The following TRIM36 variants were observed in gnomAD, a reference collection of about 807,000 sequenced individuals.
TRIM36 encodes the protein E3 ubiquitin-protein ligase TRIM36.
Under a neutral mutation model 72.4 loss-of-function variants are expected in TRIM36, and 42 were observed. The observed-to-expected ratio is 0.58, with a 90% CI of 0.45 to 0.75. The LOEUF (loss-of-function observed/expected upper bound fraction) is 0.75, where lower values mean the gene tolerates loss of function less well. Ranked by LOEUF, TRIM36 falls within the 30% of genes least tolerant of loss-of-function variation. The probability of loss-of-function intolerance (pLI) is 0.00; values close to 1 mark genes in which losing one functional copy is unlikely to be tolerated. For synonymous variants in TRIM36, 315 were observed against 282.8 expected, an observed-to-expected ratio of 1.11 and a Z score of -1.14; for missense variants, 913 against 857.1, an observed-to-expected ratio of 1.07 and a Z score of -0.81.
In TRIM36 at chr5:115,141,296, A is replaced by C; in HGVS notation, c.814T>G (p.Leu272Val). The change falls in exon 5 of 10, where the codon TTA becomes GTA. Residue 272 changes from leucine to valine, a missense_variant. Leu to Val is a conservative substitution (Grantham distance 32). Coordinates refer to ENST00000513154, the MANE Select transcript of TRIM36 (RefSeq NM_001300759.2). Reference sequence around the variant, plus strand: ...TCACTTACCTCTGTTTCTTTCATTAACAAGTTTAGTTCAGATATTTGACTC... The same window carrying C: ...TCACTTACCTCTGTTTCTTTCATTACCAAGTTTAGTTCAGATATTTGACTC... ...VKSQISELNL[L>V]MKETECNGER... is the part of the protein sequence containing the mutation. 6.2e-7 allele frequency: 1 copy of C among 1,600,444 alleles called. No individual in the cohort carries two copies. Among genetic ancestry groups the C allele is most frequent in the Non-Finnish European group, 8.5e-7 (1 of 1,175,914 alleles).
At chr5:115,171,060 G>T (rs1350701527), upstream of TRIM36, 4 of 1,612,780 alleles carry the variant, frequency 2.5e-6, no homozygotes, top group Admixed American at 5.0e-5. Flanking sequence ...GCCCTAAATT[G>T]CTGGGTAAGT....
At chr5:115,155,203 C>T (rs1754108937) in intron 2 of TRIM36, among the ~76,000 whole-genome samples, 1 of 151,150 alleles carries the variant, frequency 6.6e-6, no homozygotes, top group Non-Finnish European at 1.5e-5. Context: ...AAATAATTAG[C>T]CAGGTGTGGT....
In TRIM36 at chr5:115,126,187, T is replaced by C. The variant is rs1752351897; in HGVS notation, c.*316A>G. 8.0e-6 allele frequency: 2 copies of C among 249,204 alleles called. No homozygotes were observed. The highest frequency in any genetic ancestry group is 1.5e-5 in the Non-Finnish European group (2 of 129,630). 15.4% of individuals were successfully genotyped at this position (249,204 alleles called of 1,614,324 possible). ...AAATACTTTTGTATCCCCCCCACCATAAGGAAAGTGTCAGCAACACCAGCT... is the reference window on the plus strand; with the variant it reads ...AAATACTTTTGTATCCCCCCCACCACAAGGAAAGTGTCAGCAACACCAGCT... On this transcript the variant is annotated 3_prime_UTR_variant, in exon 10 of 10. Transcript: ENST00000513154.
intron 1 of TRIM36, among the ~76,000 whole-genome samples, chr5:115,166,007 G>A (rs1335752430): frequency 3.9e-5 from 6 of 152,152 alleles, no homozygotes; most frequent in African/African-American, 1.2e-4. Flanking sequence ...GCTGATGAAC[G>A]TGGGAGGGAG....
chr5:115,144,241 C>G (rs1753452009), intron 4 of TRIM36, among the ~76,000 whole-genome samples: 1 of 152,122 alleles, frequency 6.6e-6, no homozygotes, highest in African/African-American at 2.4e-5. Flanking sequence ...AAATAAGAAT[C>G]AAGTGTCTTA....
At position 115,165,810 on chromosome 5, in the gene TRIM36, C is replaced by T. The variant is rs575075178; in HGVS notation, c.28-2058G>A. On this transcript the variant is annotated intron_variant, in intron 1 of 9. Coordinates refer to ENST00000513154, the MANE Select transcript of TRIM36 (RefSeq NM_001300759.2). ...CTCGGGGGCCCAGGATGCCTCTCTT[C>T]CCCCACATGCTCAGAAGTGCCTGCT... 4.6e-5 allele frequency among the ~76,000 whole-genome samples: 7 copies of T among 152,248 alleles called. No homozygotes were observed. In the South Asian group the frequency reaches 1.5e-3, roughly 32 times the overall value.
intron 5 of TRIM36, 82 bp downstream of exon 5, chr5:115,141,197 T>C: frequency 9.6e-7 from 1 of 1,038,580 alleles, no homozygotes; most frequent in Non-Finnish European, 1.4e-6. Context: ...CATATAATAC[T>C]CTCAGGATTT....
chr5:115,133,488 A>G (rs1195198004), intron 8 of TRIM36, among the ~76,000 whole-genome samples: 2 of 152,196 alleles, frequency 1.3e-5, no homozygotes, highest in Non-Finnish European at 2.9e-5. Flanking sequence ...TTAGACCAAT[A>G]AATTTTAAAA....
intron 1 of TRIM36, among the ~76,000 whole-genome samples, chr5:115,179,011 T>C (rs1755477292): frequency 6.6e-6 from 1 of 152,148 alleles, no homozygotes. Flanking sequence ...CATCCTCCTT[T>C]CTGTTAACCG....
Position 115,128,071 on chromosome 5 carries a change from C to T in TRIM36, c.1797-1214G>A, listed in dbSNP as rs1449934574. On this transcript the variant is annotated intron_variant, in intron 9 of 9. Transcript: ENST00000513154. ...AAATTAAAAAAAAAAACTTGTAGAACAAGGCTATAAAAAAAATTGGGGGGG... is the reference window on the plus strand; with the variant it reads ...AAATTAAAAAAAAAAACTTGTAGAATAAGGCTATAAAAAAAATTGGGGGGG... Among the ~76,000 whole-genome samples, 6 of 132,852 alleles carry T rather than the reference C, an allele frequency of 4.5e-5. No individual in the cohort carries two copies. The East Asian group carries it at 1.0e-3, about 23-fold the overall frequency. The allele number at this position is 132,852 out of a possible 152,430, so 87.2% of individuals were successfully genotyped here.
Position 115,137,385 on chromosome 5 carries a change from TC to T in TRIM36, c.1062del (p.Thr355GlnfsTer16). ...LKETDQSCFV[Q>X]TAKQLHLRIQ... ...TACCTGAGGTGGAGCTGCTTTGCTG[TC>T]TGCACAAAGCAAGACTGATCTGTCT... is the stretch of plus-strand genomic sequence containing the variant. On this transcript the variant is annotated frameshift_variant, in exon 6 of 10. Transcript: ENST00000513154. LOFTEE classifies it high-confidence loss of function. 1 of 1,611,380 alleles carries T rather than the reference TC, an allele frequency of 6.2e-7. No individual in the cohort carries two copies. The highest frequency in any genetic ancestry group is 8.5e-7 in the Non-Finnish European group (1 of 1,179,324).
chr5:115,133,479 T>C (rs1427844467), intron 8 of TRIM36, among the ~76,000 whole-genome samples: 2 of 152,180 alleles, frequency 1.3e-5, no homozygotes, highest in African/African-American at 4.8e-5. Flanking sequence ...TTTAGGATAT[T>C]AGACCAATAA....
At position 115,126,075 on chromosome 5, in the gene TRIM36, C is replaced by G. The variant is rs1403690417; in HGVS notation, c.*428G>C. 1 of 161,568 alleles carries G rather than the reference C, an allele frequency of 6.2e-6. No individual in the cohort carries two copies. The highest frequency in any genetic ancestry group is 3.0e-3 in the Middle Eastern group (1 of 330). 10.0% of individuals were successfully genotyped at this position (161,568 alleles called of 1,614,324 possible). On this transcript the variant is annotated 3_prime_UTR_variant, in exon 10 of 10. Coordinates refer to ENST00000513154, the MANE Select transcript of TRIM36 (RefSeq NM_001300759.2). ...CAAGACACATTGCTTAGTACTAATTCCTATCCATAAGGCATTTAAAAAATA... is the reference window on the plus strand; with the variant it reads ...CAAGACACATTGCTTAGTACTAATTGCTATCCATAAGGCATTTAAAAAATA...
intron 3 of TRIM36, among the ~76,000 whole-genome samples, chr5:115,145,762 T>C (rs545182926): frequency 2.0e-5 from 3 of 152,206 alleles, no homozygotes; most frequent in East Asian, 1.9e-4. Flanking sequence ...AATACCAATA[T>C]ATAGGTTCAG....
At chr5:115,143,700 A>G (rs1049819209) in intron 4 of TRIM36, among the ~76,000 whole-genome samples, 2 of 152,246 alleles carry the variant, frequency 1.3e-5, no homozygotes, top group African/African-American at 4.8e-5. Flanking sequence ...AACAGAGGAA[A>G]GAAACAAAAT....
Position 115,144,634 on chromosome 5 carries a change from A to G in TRIM36, c.699T>C (p.Arg233=), listed in dbSNP as rs1337746707. ...CKLGGNHANH[R]VTTMSSAYKT... ...TGTAGGCACTGCTCATAGTGGTTACACGGTGGTTGGCATGATTACCACCCA... is the reference window on the plus strand; with the variant it reads ...TGTAGGCACTGCTCATAGTGGTTACGCGGTGGTTGGCATGATTACCACCCA... The change falls in exon 4 of 10, where the codon CGT becomes CGC. Residue 233 remains arginine, a synonymous_variant. Transcript: ENST00000513154. The G allele has an allele frequency of 1.9e-6, 3 of 1,614,172 alleles. No individual in the cohort carries two copies. In the South Asian group the frequency reaches 3.3e-5, roughly 18 times the overall value.
In TRIM36 at chr5:115,169,611, C is replaced by A. The variant is rs1489650724; in HGVS notation, c.24G>T (p.Ser8=). 1.2e-5 allele frequency: 19 copies of A among 1,521,984 alleles called. No individual in the cohort carries two copies. The East Asian group carries it at 2.2e-4, about 18-fold the overall frequency. 94.3% of individuals were successfully genotyped at this position (1,521,984 alleles called of 1,614,324 possible). The part of the protein sequence containing the change: MEGDGSD[S]PVTIKNIERE... ...CGGCGGTCCCCTCCGCACTCACCGG[C>A]GAATCTGAGCCATCGCCCTCCATGG... The change falls in exon 1 of 10, where the codon TCG becomes TCT. Residue 8 remains serine, a synonymous_variant. Transcript: ENST00000513154.
chr5:115,173,928 T>G (rs1755228004), upstream of TRIM36, among the ~76,000 whole-genome samples: 1 of 152,238 alleles, frequency 6.6e-6, no homozygotes, highest in Non-Finnish European at 1.5e-5. Flanking sequence ...TATTACTTAA[T>G]TGCTCTTCTA....
At chr5:115,145,685 C>T (rs578027529) in intron 3 of TRIM36, among the ~76,000 whole-genome samples, 1 of 152,126 alleles carries the variant, frequency 6.6e-6, no homozygotes, top group Non-Finnish European at 1.5e-5. Context: ...TGCCACCATG[C>T]CCAGCTAATT....
Sources: allele counts gnomAD v4.1 joint callset (sites outside exome capture counted in the v4.1 genomes callset), GRCh38; gene constraint gnomAD v4.1.1; transcripts MANE v1.5; gene names NCBI Gene and HGNC (gene_info 2026-07-23, HGNC 2026-07-21).